GNG2: variants seen among roughly 807,000 people sequenced by gnomAD.
GNG2 encodes the protein guanine nucleotide-binding protein G(I)/G(S)/G(O) subunit gamma-2.
A neutral mutation model predicts 5.5 loss-of-function variants in GNG2; 5 were observed. That is an observed-to-expected ratio of 0.91 (90% CI 0.48 to 1.92). The LOEUF is 1.92. Ranked by LOEUF, GNG2 falls within the 30% of genes most tolerant of loss-of-function variation. GNG2 has a pLI of 0.01. For missense variants in GNG2, 55 were observed against 88.4 expected, an observed-to-expected ratio of 0.62 and a Z score of 1.52; for synonymous variants, 28 against 32.0, an observed-to-expected ratio of 0.88 and a Z score of 0.42.
At chr14:51,845,307 A>G (rs1566641631) in intron 2 of GNG2, among the ~76,000 whole-genome samples, 2 of 152,206 alleles carry the variant, frequency 1.3e-5, no homozygotes. Context: ...CCCGAGCAAC[A>G]CGGCGAAGCC....
In GNG2 at chr14:51,906,661, T is replaced by C. The variant is rs776391067; in HGVS notation, c.-30+29004T>C. Reference sequence around the variant, plus strand: ...AATTGTACAGTATTTTTAAATGAATTTGCAATTGATCTGTCACACTGGCAT... The same window carrying C: ...AATTGTACAGTATTTTTAAATGAATCTGCAATTGATCTGTCACACTGGCAT... On this transcript the variant is annotated intron_variant, in intron 2 of 3. Transcript: ENST00000556766. 6.6e-4 allele frequency among the ~76,000 whole-genome samples: 101 copies of C among 152,148 alleles called. 1 individual carries two copies. The highest frequency in any genetic ancestry group is 4.6e-3 in the Admixed American group (70 of 15,270).
At chr14:51,902,295 A>G (rs189881900) in intron 2 of GNG2, among the ~76,000 whole-genome samples, 127 of 152,350 alleles carry the variant, frequency 8.3e-4, no homozygotes, top group Middle Eastern at 3.4e-3. Flanking sequence ...TTTGTTTTCT[A>G]TATTACATAA....
chr14:51,848,667 G>A (rs1198633943), intron 2 of GNG2, among the ~76,000 whole-genome samples: 3 of 152,220 alleles, frequency 2.0e-5, no homozygotes, highest in South Asian at 2.1e-4. Context: ...CCATTTTTAG[G>A]AGAATGAAGG....
intron 2 of GNG2, among the ~76,000 whole-genome samples, chr14:51,882,320 AAAAAG>A (rs1305924778): frequency 1.3e-5 from 2 of 152,230 alleles, no homozygotes; most frequent in Non-Finnish European, 2.9e-5. Context: ...TTCAAGAGGA[AAAAAG>A]AAAAGGACTG....
intron 2 of GNG2, among the ~76,000 whole-genome samples, chr14:51,896,523 A>C (rs1214579140): frequency 2.0e-5 from 3 of 152,162 alleles, no homozygotes; most frequent in Non-Finnish European, 4.4e-5. Flanking sequence ...CAATAGCCTA[A>C]ATGTTCTTTT....
chr14:51,854,808 C>A (rs943371949), intron 2 of GNG2, among the ~76,000 whole-genome samples: 1 of 152,158 alleles, frequency 6.6e-6, no homozygotes, highest in Non-Finnish European at 1.5e-5. Context: ...CCACCGCACC[C>A]GGCCGGCCGT....
intron 1 of GNG2, among the ~76,000 whole-genome samples, chr14:51,873,160 T>G (rs186974027): frequency 9.8e-5 from 15 of 152,324 alleles, no homozygotes; most frequent in African/African-American, 3.4e-4. Flanking sequence ...AAAGGCATAT[T>G]TGATTTGATG....
At chr14:51,853,248 C>T (rs765533025) in intron 2 of GNG2, among the ~76,000 whole-genome samples, 10 of 152,122 alleles carry the variant, frequency 6.6e-5, no homozygotes, top group Admixed American at 2.0e-4. Flanking sequence ...AAGTGCTGTG[C>T]GAGGTGGGTG....
chr14:51,965,891 G>A (rs1346691601), intron 3 of GNG2, among the ~76,000 whole-genome samples: 3 of 152,012 alleles, frequency 2.0e-5, no homozygotes, highest in East Asian at 1.9e-4. Context: ...GGACCAGGGT[G>A]GGGCAATGAG....
chr14:51,865,697 C>G (rs148780123), intron 1 of GNG2, among the ~76,000 whole-genome samples: 1,740 of 151,916 alleles, frequency 0.011, 38 homozygotes, highest in African/African-American at 0.04. Context: ...GTTTGTAAGA[C>G]TAAAATATTT....
chr14:51,858,031 C>T (rs990139013), upstream of GNG2, among the ~76,000 whole-genome samples: 1 of 152,152 alleles, frequency 6.6e-6, no homozygotes, highest in African/African-American at 2.4e-5. Flanking sequence ...ATAGGCCATG[C>T]ATGAATGTTA....
At chr14:51,879,654 A>G (rs1594868444) in intron 2 of GNG2, among the ~76,000 whole-genome samples, 2 of 152,308 alleles carry the variant, frequency 1.3e-5, no homozygotes, top group Non-Finnish European at 2.9e-5. Flanking sequence ...AGCTTCCTCC[A>G]TCTTCAAAGC....
intron 3 of GNG2, among the ~76,000 whole-genome samples, chr14:51,955,964 T>C (rs886218433): frequency 6.6e-6 from 1 of 152,214 alleles, no homozygotes; most frequent in Admixed American, 6.5e-5. Context: ...TGAGAAATGG[T>C]CCAGTTAGAC....
rs368797663 is a variant in GNG2, at chr14:51,957,292, TA to T, written c.87+6531del. Among the ~76,000 whole-genome samples the T allele has an allele frequency of 1.0e-3, 158 of 152,298 alleles. 1 individual carries two copies. The highest frequency in any genetic ancestry group is 3.6e-3 in the African/African-American group (149 of 41,558). ...CATGGTGTTATTTCTCCATCTTAAA[TA>T]AAATTTGATTTTTTTCTCAATCCCT... On this transcript the variant is annotated intron_variant, in intron 3 of 3. Transcript: ENST00000556766.
chr14:51,866,750 TC>T (rs1259263384), intron 1 of GNG2, among the ~76,000 whole-genome samples: 1 of 152,184 alleles, frequency 6.6e-6, no homozygotes, highest in East Asian at 1.9e-4. Context: ...GACTCCATAC[TC>T]ATGACCCAAT....
chr14:51,922,888 G>T (rs989118146), intron 2 of GNG2, among the ~76,000 whole-genome samples: 7 of 152,258 alleles, frequency 4.6e-5, no homozygotes, highest in Admixed American at 4.6e-4. Context: ...GCTGCAGGGT[G>T]GGGGCAGAGG....
intron 2 of GNG2, among the ~76,000 whole-genome samples, chr14:51,943,589 A>G (rs928346333): frequency 6.6e-6 from 1 of 152,230 alleles, no homozygotes; most frequent in African/African-American, 2.4e-5. Context: ...TTTAAAACTC[A>G]TGTGAAGGTA....
At chr14:51,901,963 T>TAAAAAA (rs34308582) in intron 2 of GNG2, among the ~76,000 whole-genome samples, 1 of 56,428 alleles carries the variant, frequency 1.8e-5, no homozygotes, top group Non-Finnish European at 3.2e-5. Context: ...TAACAATCTG[T>TAAAAAA]AAAAAAAAAA....
chr14:51,877,129 G>A (rs1297499203), intron 1 of GNG2, among the ~76,000 whole-genome samples: 4 of 152,058 alleles, frequency 2.6e-5, no homozygotes, highest in African/African-American at 9.7e-5. Context: ...AACCACCAAC[G>A]TGTCCTCCAC....
Sources: allele counts gnomAD v4.1 joint callset (sites outside exome capture counted in the v4.1 genomes callset), GRCh38; gene constraint gnomAD v4.1.1; transcripts MANE v1.5; gene names NCBI Gene and HGNC (gene_info 2026-07-23, HGNC 2026-07-21).